Variants in TRAK2 observed in about 807,000 individuals in gnomAD.
The protein encoded by TRAK2 is trafficking kinesin protein 2, also known as trafficking kinesin-binding protein 2.
In TRAK2, 81 loss-of-function variants were observed where a neutral mutation model predicts 104.6. The observed-to-expected ratio is 0.77, with a 90% CI of 0.65 to 0.93. The LOEUF (loss-of-function observed/expected upper bound fraction) is 0.93, where lower values mean the gene tolerates loss of function less well. Ranked by LOEUF, TRAK2 falls within the 40% of genes least tolerant of loss-of-function variation. TRAK2 has a pLI of 0.00. For missense variants in TRAK2, 1,002 were observed against 1,089.0 expected (o/e 0.92, Z 1.12); for synonymous variants, 406 against 394.4 (o/e 1.03, Z -0.35).
chr2:201,404,258 A>G (rs1951574344), intron 3 of TRAK2, among the ~76,000 whole-genome samples: 1 of 152,136 alleles, frequency 6.6e-6, no homozygotes, highest in African/African-American at 2.4e-5. Context: ...TCCTATCAAA[A>G]CCTATTTTCC....
chr2:201,410,284 C>A (rs958398193), intron 2 of TRAK2, among the ~76,000 whole-genome samples: 1 of 149,946 alleles, frequency 6.7e-6, no homozygotes, highest in Non-Finnish European at 1.5e-5. Context: ...TCAGCCTGGG[C>A]GACAGAGCAA....
chr2:201,395,839 T>A (rs1047156563), intron 7 of TRAK2, among the ~76,000 whole-genome samples: 1 of 152,082 alleles, frequency 6.6e-6, no homozygotes, highest in African/African-American at 2.4e-5. Context: ...GGACATAAAA[T>A]CCCACAAGCA....
At chr2:201,433,964 T>TTG (rs57783793) in intron 1 of TRAK2, among the ~76,000 whole-genome samples, 1 of 129,454 alleles carries the variant, frequency 7.7e-6, no homozygotes, top group East Asian at 3.6e-4. Context: ...ATAATCATTC[T>TTG]TTTTTTTTTT....
chr2:201,400,059 C>T (rs932862349), intron 4 of TRAK2, among the ~76,000 whole-genome samples: 1 of 151,978 alleles, frequency 6.6e-6, no homozygotes, highest in Non-Finnish European at 1.5e-5. Flanking sequence ...TGAAATAAAA[C>T]AGGAGATAAA....
chr2:201,411,044 A>C (rs1576521052), intron 2 of TRAK2: 2 of 1,263,380 alleles, frequency 1.6e-6, no homozygotes, highest in East Asian at 2.3e-5. Context: ...TCTTTGTATT[A>C]TCAACTGGTG....
chr2:201,399,089 CA>C (rs34295797), intron 5 of TRAK2, among the ~76,000 whole-genome samples: 86,609 of 151,852 alleles, frequency 0.57, 25,975 homozygotes, highest in South Asian at 0.68. Context: ...AGATCACACA[CA>C]AAGTCTACAC....
chr2:201,435,728 G>C (rs1951876011), intron 1 of TRAK2, among the ~76,000 whole-genome samples: 1 of 152,106 alleles, frequency 6.6e-6, no homozygotes, highest in Non-Finnish European at 1.5e-5. Flanking sequence ...GAAAAGACTT[G>C]GAAAAGTCTC....
chr2:201,383,615 T>C (rs1951362195), intron 15 of TRAK2, among the ~76,000 whole-genome samples: 1 of 152,224 alleles, frequency 6.6e-6, no homozygotes, highest in Non-Finnish European at 1.5e-5. Flanking sequence ...GCCCTATGCC[T>C]TTCTTCCTTT....
At chr2:201,393,492 G>A (rs1951467052) in intron 9 of TRAK2, among the ~76,000 whole-genome samples, 1 of 152,082 alleles carries the variant, frequency 6.6e-6, no homozygotes, top group Admixed American at 6.6e-5. Flanking sequence ...TCCTAAACAA[G>A]TAGATCTTCG....
rs776961851 is a variant in TRAK2 at position 201,399,490 on chromosome 2, C to A, written c.367G>T (p.Asp123Tyr). 1.2e-6 allele frequency: 2 copies of A among 1,611,066 alleles called. No homozygotes were observed. Among genetic ancestry groups the A allele is most frequent in the South Asian group, 1.1e-5 (1 of 90,794 alleles). Reference sequence around the variant, plus strand: ...CGAGCAGCGAGTTCCAGATCACGATCCCTCTGTTAAAATACCAAATACACC... The same window carrying A: ...CGAGCAGCGAGTTCCAGATCACGATACCTCTGTTAAAATACCAAATACACC... ...DMVTHLLAER[D>Y]RDLELAARIG... The change falls in exon 5 of 16, where the codon GAT becomes TAT. Residue 123 changes from aspartate to tyrosine, a missense_variant. Coordinates refer to ENST00000332624, the MANE Select transcript of TRAK2 (RefSeq NM_015049.3).
Position 201,433,891 on chromosome 2 carries a change from G to A in TRAK2, c.-199-13185C>T, listed in dbSNP as rs149682046. ...CCATTTCAGTCAGTCACATTTCTTC[G>A]CCTCTGGCTGATTGTCAGCTGCATG... is the stretch of plus-strand genomic sequence containing the variant. On this transcript the variant is annotated intron_variant, in intron 1 of 15. Transcript: ENST00000332624. Among the ~76,000 whole-genome samples the A allele has an allele frequency of 9.9e-5, 15 of 151,908 alleles. No individual in the cohort carries two copies. The East Asian group carries it at 2.0e-3, about 20-fold the overall frequency.
chr2:201,442,564 G>A (rs1421141099), intron 1 of TRAK2, among the ~76,000 whole-genome samples: 1 of 152,176 alleles, frequency 6.6e-6, no homozygotes, highest in East Asian at 1.9e-4. Flanking sequence ...GAATAGGGAT[G>A]AGGCAAATTC....
chr2:201,426,790 G>A lies in TRAK2; in HGVS notation c.-199-6084C>T, dbSNP rs77423910. 3.4e-3 allele frequency among the ~76,000 whole-genome samples: 514 copies of A among 152,240 alleles called. 1 individual carries two copies. Among genetic ancestry groups the A allele is most frequent in the Non-Finnish European group, 5.3e-3 (362 of 68,006 alleles). ...ACCAAGTCCAGGGTGATCTGGCAAT[G>A]GTATGTTCTTCCTGGAGACTTTTTA... On this transcript the variant is annotated intron_variant, in intron 1 of 15. Coordinates refer to ENST00000332624, the MANE Select transcript of TRAK2 (RefSeq NM_015049.3).
rs1299504093 is a variant in TRAK2 at position 201,394,349 on chromosome 2, T to TTC, written c.975+448_975+449insGA. Among the ~76,000 whole-genome samples the TTC allele has an allele frequency of 1.6e-4, 21 of 131,956 alleles. 1 individual carries two copies. Among genetic ancestry groups the TTC allele is most frequent in the East Asian group, 7.2e-4 (2 of 2,786 alleles). 86.6% of individuals were successfully genotyped at this position (131,956 alleles called of 152,430 possible). A position where few individuals can be genotyped will look rare whatever the true frequency, so the allele number is the denominator to read the frequency against. ...AAAATGCTTTATTCTTTTTCTTTCT[T>TTC]TTTTTTTTTTTGAGACGAAGTCTTG... is the stretch of plus-strand genomic sequence containing the variant. On this transcript the variant is annotated intron_variant, in intron 9 of 15. Coordinates refer to ENST00000332624, the MANE Select transcript of TRAK2 (RefSeq NM_015049.3).
intron 10 of TRAK2, among the ~76,000 whole-genome samples, chr2:201,391,066 T>G (rs1450637682): frequency 1.3e-5 from 2 of 152,094 alleles, no homozygotes; most frequent in Non-Finnish European, 2.9e-5. Context: ...GAAGCCACAA[T>G]ACTCTAGTAG....
At chr2:201,428,349 G>A (rs1951808561) in intron 1 of TRAK2, among the ~76,000 whole-genome samples, 1 of 152,154 alleles carries the variant, frequency 6.6e-6, no homozygotes, top group African/African-American at 2.4e-5. Flanking sequence ...TTTTGTATAA[G>A]CTGTAAGGAA....
At chr2:201,418,687 T>C (rs1951714147) in intron 2 of TRAK2, among the ~76,000 whole-genome samples, 1 of 152,090 alleles carries the variant, frequency 6.6e-6, no homozygotes, top group Admixed American at 6.5e-5. Flanking sequence ...TAACAAATGG[T>C]AAAGAAACAA....
chr2:201,410,868 A>G, intron 2 of TRAK2: 1 of 1,589,376 alleles, frequency 6.3e-7, no homozygotes, highest in East Asian at 2.2e-5. Context: ...CAGCAGGAGG[A>G]ACATTCAAAG....
At chr2:201,405,599 A>G (rs1016396714) in intron 3 of TRAK2, among the ~76,000 whole-genome samples, 1 of 152,248 alleles carries the variant, frequency 6.6e-6, no homozygotes, top group African/African-American at 2.4e-5. Flanking sequence ...GGGGTCCACA[A>G]AGAACAAATA....
Sources: allele counts gnomAD v4.1 joint callset (sites outside exome capture counted in the v4.1 genomes callset), GRCh38; gene constraint gnomAD v4.1.1; transcripts MANE v1.5; gene names NCBI Gene and HGNC (gene_info 2026-07-23, HGNC 2026-07-21).